GRIN2A: variants seen among roughly 807,000 people sequenced by gnomAD.
GRIN2A encodes glutamate receptor ionotropic, NMDA 2A.
A neutral mutation model predicts 113.4 loss-of-function variants in GRIN2A; 22 were observed. The observed-to-expected ratio is 0.19, with a 90% CI of 0.14 to 0.28. The LOEUF is 0.28. Ranked by LOEUF, GRIN2A falls within the 10% of genes least tolerant of loss-of-function variation. GRIN2A has a pLI of 1.00. For synonymous variants in GRIN2A, 827 were observed against 738.4 expected, an observed-to-expected ratio of 1.12 and a Z score of -1.94; for missense variants, 1,502 against 1,887.0, an observed-to-expected ratio of 0.80 and a Z score of 3.78.
rs1054325780 is a variant in GRIN2A, at chr16:9,760,524, T to A, written c.*2625A>T. 1.2e-4 allele frequency: 27 copies of A among 221,798 alleles called. No homozygotes were observed. Among genetic ancestry groups the A allele is most frequent in the African/African-American group, 3.3e-4 (15 of 44,812 alleles). 13.7% of individuals were successfully genotyped at this position (221,798 alleles called of 1,614,324 possible). On this transcript the variant is annotated 3_prime_UTR_variant, in exon 13 of 13. Coordinates refer to ENST00000330684, the MANE Select transcript of GRIN2A (RefSeq NM_001134407.3). ...TTCGGTCAGTGAAAAGAATATATAT[T>A]TTTTTCACAACATTACTGTTGATTC...
intron 2 of GRIN2A, among the ~76,000 whole-genome samples, chr16:9,951,078 C>T (rs890113194): frequency 4.6e-5 from 7 of 152,280 alleles, no homozygotes; most frequent in Admixed American, 2.6e-4. Flanking sequence ...CTTTCCTTTA[C>T]CTGGTCATTC....
intron 3 of GRIN2A, 47 bp from the exon 4 acceptor site, chr16:9,891,147 G>T: frequency 1.8e-6 from 2 of 1,113,386 alleles, no homozygotes; most frequent in Non-Finnish European, 2.8e-6. Flanking sequence ...AAGAATTAGA[G>T]CAATCGAACA....
intron 2 of GRIN2A, among the ~76,000 whole-genome samples, chr16:10,045,371 C>T (rs899689762): frequency 6.6e-6 from 1 of 152,056 alleles, no homozygotes; most frequent in Non-Finnish European, 1.5e-5. Flanking sequence ...GGCTGGTTTA[C>T]ATCCTTTTGT....
Position 10,004,610 on chromosome 16 carries a change from T to C in GRIN2A, c.415-66059A>G, listed in dbSNP as rs113361851. Among the ~76,000 whole-genome samples the C allele has an allele frequency of 7.4e-3, 1,122 of 152,222 alleles. 5 individuals carry two copies. The highest frequency in any genetic ancestry group is 0.026 in the African/African-American group (1,082 of 41,526). ...TCCTTGCCTTCCCCAGTTCCTAGAA[T>C]TGTAATCCCAGCATTCCTTGGTTCA... is the stretch of plus-strand genomic sequence containing the variant. On this transcript the variant is annotated intron_variant, in intron 2 of 12. Coordinates refer to ENST00000330684, the MANE Select transcript of GRIN2A (RefSeq NM_001134407.3).
At position 10,128,494 on chromosome 16, in the gene GRIN2A, G is replaced by A. The variant is rs114731069; in HGVS notation, c.414+51504C>T. ...AGGCCATTACAGAATGTTGAGATTGGCCAAACCACCACTGTAGATGCTCCA... is the reference window on the plus strand; with the variant it reads ...AGGCCATTACAGAATGTTGAGATTGACCAAACCACCACTGTAGATGCTCCA... On this transcript the variant is annotated intron_variant, in intron 2 of 12. Transcript: ENST00000330684. Among the ~76,000 whole-genome samples the A allele has an allele frequency of 2.7e-3, 404 of 152,258 alleles. 1 individual carries two copies. The highest frequency in any genetic ancestry group is 9.3e-3 in the African/African-American group (386 of 41,546).
intron 3 of GRIN2A, among the ~76,000 whole-genome samples, chr16:9,924,800 A>G (rs767599535): frequency 3.9e-5 from 6 of 152,170 alleles, no homozygotes; most frequent in Non-Finnish European, 8.8e-5. Context: ...CAAACCTGCC[A>G]TTAATCCATC....
At chr16:10,104,185 G>A (rs1287065394) in intron 2 of GRIN2A, among the ~76,000 whole-genome samples, 1 of 152,222 alleles carries the variant, frequency 6.6e-6, no homozygotes, top group Non-Finnish European at 1.5e-5. Context: ...CCAGTTTGAA[G>A]AAACTATTCG....
intron 2 of GRIN2A, among the ~76,000 whole-genome samples, chr16:10,066,196 G>A (rs74979838): frequency 6.6e-6 from 1 of 152,264 alleles, no homozygotes. Flanking sequence ...AGCCTTTGAA[G>A]TTTGGGATGC....
chr16:9,938,580 G>A, intron 2 of GRIN2A, 29 bp from the exon 3 acceptor site: 2 of 1,528,282 alleles, frequency 1.3e-6, no homozygotes, highest in Non-Finnish European at 1.8e-6. Context: ...TAAAACAGAG[G>A]ATGAGGCAGG....
At chr16:10,167,873 C>T (rs2049957646) in intron 2 of GRIN2A, among the ~76,000 whole-genome samples, 1 of 152,178 alleles carries the variant, frequency 6.6e-6, no homozygotes, top group Non-Finnish European at 1.5e-5. Context: ...GGATAAACAA[C>T]AGAATAGTAT....
chr16:10,159,593 G>C (rs2049771069), intron 2 of GRIN2A, among the ~76,000 whole-genome samples: 1 of 152,160 alleles, frequency 6.6e-6, no homozygotes, highest in East Asian at 1.9e-4. Context: ...CCAACAAGCA[G>C]CGGAGTCTGT....
intron 11 of GRIN2A, among the ~76,000 whole-genome samples, chr16:9,790,079 T>G (rs1399652357): frequency 6.6e-6 from 1 of 152,216 alleles, no homozygotes; most frequent in Non-Finnish European, 1.5e-5. Flanking sequence ...CTGTCTTGCC[T>G]CTACTGTGCT....
chr16:10,146,158 C>T (rs1484964617), intron 2 of GRIN2A, among the ~76,000 whole-genome samples: 1 of 152,130 alleles, frequency 6.6e-6, no homozygotes, highest in East Asian at 1.9e-4. Flanking sequence ...CGCTCTGTCG[C>T]CCAGACTGGA....
intron 2 of GRIN2A, among the ~76,000 whole-genome samples, chr16:10,168,352 A>C (rs1263763376): frequency 2.0e-5 from 3 of 152,218 alleles, no homozygotes; most frequent in African/African-American, 7.2e-5. Context: ...ATTTATACTG[A>C]ATTACTCACA....
At chr16:9,886,108 G>GTCAAA (rs1485208415) in intron 4 of GRIN2A, among the ~76,000 whole-genome samples, 1 of 152,220 alleles carries the variant, frequency 6.6e-6, no homozygotes, top group Non-Finnish European at 1.5e-5. Flanking sequence ...TGTGAGTCAA[G>GTCAAA]CCTGCTCCAG....
chr16:10,076,563 A>G (rs1307263502), intron 2 of GRIN2A, among the ~76,000 whole-genome samples: 1 of 152,130 alleles, frequency 6.6e-6, no homozygotes, highest in East Asian at 1.9e-4. Context: ...TTTGGTTTAA[A>G]TTTGAACTCA....
At chr16:9,969,360 C>G (rs141586903) in intron 2 of GRIN2A, among the ~76,000 whole-genome samples, 97 of 152,306 alleles carry the variant, frequency 6.4e-4, no homozygotes, top group African/African-American at 2.2e-3. Context: ...TGCACACTTT[C>G]TTCACTCGCC....
chr16:10,145,431 T>C (rs2049419147), intron 2 of GRIN2A, among the ~76,000 whole-genome samples: 2 of 152,156 alleles, frequency 1.3e-5, no homozygotes, highest in African/African-American at 4.8e-5. Context: ...CACAGGCACA[T>C]GCATACATCC....
intron 2 of GRIN2A, among the ~76,000 whole-genome samples, chr16:10,019,580 G>A (rs1258855700): frequency 6.6e-6 from 1 of 152,224 alleles, no homozygotes; most frequent in African/African-American, 2.4e-5. Flanking sequence ...ATCTACCCAA[G>A]GCTAGAAAAC....
Sources: gnomAD v4.1 joint callset for allele counts (sites outside exome capture counted in the v4.1 genomes callset) on GRCh38, gnomAD v4.1.1 for gene constraint, MANE v1.5 for transcripts, NCBI Gene and HGNC (gene_info 2026-07-23, HGNC 2026-07-21) for gene names.